The following FNDC3B variants were observed in gnomAD, a reference collection of about 807,000 sequenced individuals.
The protein encoded by FNDC3B is fibronectin type III domain-containing protein 3B.
FNDC3B carries 12 observed loss-of-function variants against 151.5 expected under a neutral mutation model. The ratio of observed to expected loss-of-function variants is 0.08; its 90% CI spans 0.05 to 0.13. The LOEUF is 0.13. Ranked by LOEUF, FNDC3B falls within the 10% of genes least tolerant of loss-of-function variation. FNDC3B has a pLI of 1.00. For synonymous variants in FNDC3B, 528 were observed against 549.0 expected, an observed-to-expected ratio of 0.96 and a Z score of 0.54; for missense variants, 1,214 against 1,505.3, an observed-to-expected ratio of 0.81 and a Z score of 3.20.
intron 2 of FNDC3B, among the ~76,000 whole-genome samples, chr3:172,115,944 CCTT>C (rs913549956): frequency 2.6e-5 from 4 of 152,214 alleles, no homozygotes; most frequent in African/African-American, 9.7e-5. Context: ...CAGCCCTCCT[CCTT>C]CTGATTTCTG....
At chr3:172,146,147 A>T (rs538288470) in intron 3 of FNDC3B, among the ~76,000 whole-genome samples, 13 of 151,970 alleles carry the variant, frequency 8.6e-5, no homozygotes, top group South Asian at 2.1e-4. Flanking sequence ...TAAAATATAT[A>T]AAAAAAAGCA....
intron 3 of FNDC3B, among the ~76,000 whole-genome samples, chr3:172,195,556 G>GT (rs1724778381): frequency 6.6e-6 from 1 of 152,226 alleles, no homozygotes; most frequent in African/African-American, 2.4e-5. Flanking sequence ...TTAATTTTGT[G>GT]TAACTTAGCT....
chr3:172,175,392 G>A (rs762509175), intron 3 of FNDC3B, among the ~76,000 whole-genome samples: 2 of 152,164 alleles, frequency 1.3e-5, no homozygotes, highest in Admixed American at 6.5e-5. Flanking sequence ...GCGGATGGGC[G>A]GGTGGTGGGG....
Position 172,330,652 on chromosome 3 carries a change from G to A in FNDC3B, c.1491G>A (p.Lys497=), listed in dbSNP as rs762041146. ...GITWVTLQWS[K]PEGCSPEEVI... Reference sequence around the variant, plus strand: ...CATGGGTCACGTTGCAGTGGAGTAAGCCAGAAGGCTGTTCACCCGAGGAAG... The same window carrying A: ...CATGGGTCACGTTGCAGTGGAGTAAACCAGAAGGCTGTTCACCCGAGGAAG... Residue 497 remains lysine (K), a synonymous_variant, in exon 13 of 26, where the codon AAG becomes AAA. Transcript: ENST00000415807. 12 of 1,614,170 alleles carry A rather than the reference G, an allele frequency of 7.4e-6. No individual in the cohort carries two copies. The highest frequency in any genetic ancestry group is 9.3e-6 in the Non-Finnish European group (11 of 1,180,018).
At chr3:172,180,908 A>G (rs1216731725) in intron 3 of FNDC3B, among the ~76,000 whole-genome samples, 2 of 152,066 alleles carry the variant, frequency 1.3e-5, no homozygotes, top group East Asian at 1.9e-4. Flanking sequence ...AAAAATTGGT[A>G]TCATTTGGAG....
At chr3:172,328,147 G>C (rs911667513) in intron 11 of FNDC3B, among the ~76,000 whole-genome samples, 6 of 152,118 alleles carry the variant, frequency 3.9e-5, no homozygotes, top group Non-Finnish European at 4.4e-5. Flanking sequence ...TTACTTTAAC[G>C]AATTTGAAGT....
At chr3:172,381,935 G>A (rs899858967) in intron 25 of FNDC3B, among the ~76,000 whole-genome samples, 3 of 152,146 alleles carry the variant, frequency 2.0e-5, no homozygotes, top group Admixed American at 2.0e-4. Flanking sequence ...AAACATACAT[G>A]TGCATGTGTC....
rs376850952 is a variant in FNDC3B, at chr3:172,116,395, C to T, written c.111+3805C>T. Among the ~76,000 whole-genome samples, 4 of 152,262 alleles carry T rather than the reference C, an allele frequency of 2.6e-5. 1 individual carries two copies. The highest frequency in any genetic ancestry group is 9.6e-5 in the African/African-American group (4 of 41,548). On this transcript the variant is annotated intron_variant, in intron 2 of 25. Coordinates refer to ENST00000415807, the MANE Select transcript of FNDC3B (RefSeq NM_022763.4). ...AACATTTTTATCACTCTAAAAAGAA[C>T]CCTAGAGGGATCACTCCCTATTTCC...
chr3:172,179,362 G>A (rs1723766513), intron 3 of FNDC3B, among the ~76,000 whole-genome samples: 2 of 152,218 alleles, frequency 1.3e-5, no homozygotes, highest in Admixed American at 1.3e-4. Flanking sequence ...GTGCCTGGCC[G>A]GGCCTGTTTA....
In FNDC3B at chr3:172,335,033, A is replaced by G. The variant is rs1028706626; in HGVS notation, c.1731A>G (p.Arg577=). The G allele has an allele frequency of 1.4e-5, 22 of 1,612,898 alleles. No homozygotes were observed. Among genetic ancestry groups the G allele is most frequent in the Non-Finnish European group, 5.1e-6 (6 of 1,179,572 alleles). Reference sequence around the variant, plus strand: ...CTGACAGGCCTGGACCTCCTACCAGACCGCTTGTCAAAGGCCCAGTTACAT... The same window carrying G: ...CTGACAGGCCTGGACCTCCTACCAGGCCGCTTGTCAAAGGCCCAGTTACAT... The part of the protein sequence containing the change: ...TSPDRPGPPT[R]PLVKGPVTSH... Residue 577 remains arginine, a synonymous_variant, in exon 15 of 26, where the codon AGA becomes AGG. Coordinates refer to ENST00000415807, the MANE Select transcript of FNDC3B (RefSeq NM_022763.4).
chr3:172,117,715 G>C (rs1335268152), intron 2 of FNDC3B, among the ~76,000 whole-genome samples: 1 of 152,198 alleles, frequency 6.6e-6, no homozygotes, highest in African/African-American at 2.4e-5. Context: ...TCAATTCCTA[G>C]TGGAACTGGA....
At chr3:172,052,246 G>GGT (rs1553866513) in intron 1 of FNDC3B, among the ~76,000 whole-genome samples, 1 of 147,466 alleles carries the variant, frequency 6.8e-6, no homozygotes, top group Non-Finnish European at 1.5e-5. Context: ...ATTTTTGTGG[G>GGT]TTTTTTTTTT....
chr3:172,396,685 C>T lies in FNDC3B; in HGVS notation c.3304-479C>T, dbSNP rs554240147. On this transcript the variant is annotated intron_variant, in intron 25 of 25. Coordinates refer to ENST00000415807, the MANE Select transcript of FNDC3B (RefSeq NM_022763.4). ...ATTAGATTCCCACAGAAGCATGAAG[C>T]GTATTGTGAACTGTGTATACGAGGG... Among the ~76,000 whole-genome samples, 5 of 152,190 alleles carry T rather than the reference C, an allele frequency of 3.3e-5. No homozygotes were observed. In the South Asian group the frequency reaches 6.2e-4, roughly 19 times the overall value.
At chr3:172,114,216 T>G (rs1720131137) in intron 2 of FNDC3B, among the ~76,000 whole-genome samples, 2 of 152,208 alleles carry the variant, frequency 1.3e-5, no homozygotes, top group African/African-American at 4.8e-5. Flanking sequence ...TGCCTGCTCT[T>G]CTGCTCACTG....
intron 3 of FNDC3B, among the ~76,000 whole-genome samples, chr3:172,213,691 C>A (rs562767717): frequency 2.6e-5 from 4 of 152,118 alleles, no homozygotes; most frequent in Non-Finnish European, 5.9e-5. Flanking sequence ...CCCATTCTTA[C>A]CTATCCTAAT....
chr3:172,386,658 C>A (rs1576968466), intron 25 of FNDC3B, among the ~76,000 whole-genome samples: 2 of 149,694 alleles, frequency 1.3e-5, no homozygotes, highest in Non-Finnish European at 3.0e-5. Flanking sequence ...AGGAGAATGG[C>A]ATGAACCTGG....
intron 1 of FNDC3B, among the ~76,000 whole-genome samples, chr3:172,086,744 A>G (rs1047812589): frequency 6.6e-6 from 1 of 152,240 alleles, no homozygotes; most frequent in Non-Finnish European, 1.5e-5. Flanking sequence ...ATTAGATCTT[A>G]AAAAGTTTGT....
chr3:172,121,268 T>C (rs1473721656), intron 2 of FNDC3B, among the ~76,000 whole-genome samples: 1 of 152,262 alleles, frequency 6.6e-6, no homozygotes, highest in African/African-American at 2.4e-5. Context: ...TGTATCAAAC[T>C]GATAATGTGT....
intron 11 of FNDC3B, among the ~76,000 whole-genome samples, chr3:172,311,843 A>G (rs1201988465): frequency 1.3e-5 from 2 of 150,920 alleles, no homozygotes; most frequent in Non-Finnish European, 3.0e-5. Context: ...GCACCACTGC[A>G]CTCTAGCCTG....
Sources: gnomAD v4.1 joint callset for allele counts (sites outside exome capture counted in the v4.1 genomes callset) on GRCh38, gnomAD v4.1.1 for gene constraint, MANE v1.5 for transcripts, NCBI Gene and HGNC (gene_info 2026-07-23, HGNC 2026-07-21) for gene names.